CHLSN: variants seen among roughly 807,000 people sequenced by gnomAD.
CHLSN encodes protein cholesin.
the CHLSN span, among the ~76,000 whole-genome samples, chr7:1,019,991 C>T: frequency 6.6e-6 from 1 of 152,226 alleles, no homozygotes; most frequent in East Asian, 1.9e-4. Context: ...GCTCGGCTCT[C>T]GTCTCAGGAA....
chr7:1,129,047 C>G, the CHLSN span, among the ~76,000 whole-genome samples: 1 of 2,526 alleles, frequency 4.0e-4, no homozygotes, highest in Non-Finnish European at 6.1e-4. Context: ...GCAGTGGCGC[C>G]ATCTCGGCTC....
the CHLSN span, among the ~76,000 whole-genome samples, chr7:1,023,650 CACACACACACACACACACACACACACA>C: frequency 4.0e-5 from 6 of 149,250 alleles, no homozygotes; most frequent in Admixed American, 2.0e-4. This position sits in a 1 kb window ranked among gnomAD's most constrained non-coding sequence, Gnocchi z 5.0. Context: ...CACACACACA[CACACACACACACACACACACACACACA>C]CCAGCAACGC....
the CHLSN span, chr7:988,873 G>T: frequency 1.7e-6 from 2 of 1,206,064 alleles, no homozygotes. Context: ...CCAGCCCTGG[G>T]TCCTCCCACC....
the CHLSN span, chr7:988,453 C>T: frequency 6.2e-7 from 1 of 1,609,872 alleles, no homozygotes; most frequent in African/African-American, 1.3e-5. Context: ...GGGGCGGCAC[C>T]TCCAGGGCTC....
At chr7:1,112,832 C>T in the CHLSN span, among the ~76,000 whole-genome samples, 3 of 152,158 alleles carry the variant, frequency 2.0e-5, no homozygotes, top group East Asian at 1.9e-4. Flanking sequence ...GCAGCGGCTT[C>T]GTAAACATCT....
the CHLSN span, among the ~76,000 whole-genome samples, chr7:1,081,703 TGGGGG>T: frequency 6.7e-6 from 1 of 149,448 alleles, no homozygotes; most frequent in Non-Finnish European, 1.5e-5. Flanking sequence ...AGGCGCAGCC[TGGGGG>T]AGGGACAGGG....
At chr7:1,076,586 C>G in the CHLSN span, among the ~76,000 whole-genome samples, 2 of 152,262 alleles carry the variant, frequency 1.3e-5, no homozygotes, top group Non-Finnish European at 2.9e-5. Context: ...GCACAAGCAC[C>G]GGGGAGGGAT....
chr7:1,102,030 C>T, the CHLSN span, among the ~76,000 whole-genome samples: 3 of 152,242 alleles, frequency 2.0e-5, no homozygotes, highest in African/African-American at 7.2e-5. Context: ...CACAGCAGAG[C>T]GCTCTCCCCA....
the CHLSN span, chr7:1,082,310 C>T: frequency 0.024 from 3,697 of 152,398 alleles, 54 homozygotes; most frequent in Non-Finnish European, 0.029. Context: ...CGCGTGGCTC[C>T]GCGGCGCCCT....
chr7:1,114,925 G>A, the CHLSN span, among the ~76,000 whole-genome samples: 1 of 152,204 alleles, frequency 6.6e-6, no homozygotes, highest in Non-Finnish European at 1.5e-5. Context: ...TGGGAGCCAT[G>A]GTCACTCTGC....
At chr7:992,153 T>C in the CHLSN span, among the ~76,000 whole-genome samples, 2 of 152,108 alleles carry the variant, frequency 1.3e-5, no homozygotes, top group African/African-American at 4.8e-5. Context: ...ACGTCTGTCC[T>C]CAGCAGCAGG....
chr7:1,030,208 G>A, the CHLSN span, among the ~76,000 whole-genome samples: 6 of 152,056 alleles, frequency 3.9e-5, no homozygotes, highest in Admixed American at 2.6e-4. Context: ...CTGTCTTCCC[G>A]AACGCAACGA....
the CHLSN span, chr7:1,081,948 C>T: frequency 6.6e-6 from 1 of 152,296 alleles, no homozygotes; most frequent in Non-Finnish European, 1.5e-5. Flanking sequence ...GTGGCCAGGC[C>T]TGGCTATGAC....
the CHLSN span, among the ~76,000 whole-genome samples, chr7:1,107,222 G>C: frequency 6.6e-6 from 1 of 152,274 alleles, no homozygotes; most frequent in South Asian, 2.1e-4. Context: ...AGCCCTGTCT[G>C]CAACCCACTA....
chr7:1,119,875 CAAAA>C, the CHLSN span, among the ~76,000 whole-genome samples: 2 of 117,828 alleles, frequency 1.7e-5, no homozygotes, highest in African/African-American at 5.8e-5. Context: ...GAAACTCCGT[CAAAA>C]AAAAAAAAAA....
chr7:1,025,084 A>G, the CHLSN span: 100,901 of 152,168 alleles, frequency 0.66, 34,999 homozygotes, highest in African/African-American at 0.87. Flanking sequence ...GCAGCTAGCA[A>G]CAACTCAGTC....
chr7:1,026,914 A>G, the CHLSN span: 10 of 152,382 alleles, frequency 6.6e-5, no homozygotes, highest in East Asian at 1.9e-3. Flanking sequence ...AGGAAACTGC[A>G]GGGCTTTGAG....
At chr7:999,082 T>G in the CHLSN span, among the ~76,000 whole-genome samples, 1 of 148,842 alleles carries the variant, frequency 6.7e-6, no homozygotes, top group African/African-American at 2.6e-5. Context: ...TAACTTTGCG[T>G]GTGTGTGTGT....
the CHLSN span, chr7:988,753 C>T: frequency 6.3e-7 from 1 of 1,599,068 alleles, no homozygotes. Context: ...CCTCCCTGGA[C>T]ACCACGCCCG....
Sources: allele counts gnomAD v4.1 joint callset (sites outside exome capture counted in the v4.1 genomes callset), GRCh38; gene constraint gnomAD v4.1.1; non-coding constraint Gnocchi (gnomAD v3.1); transcripts MANE v1.5; gene names NCBI Gene and HGNC (gene_info 2026-07-23, HGNC 2026-07-21).